The following PAX5 variants were observed in gnomAD, a reference collection of about 807,000 sequenced individuals.
PAX5 encodes paired box protein Pax-5.
Under a neutral mutation model 43.7 loss-of-function variants are expected in PAX5, and 9 were observed. That is an observed-to-expected ratio of 0.21 (90% CI 0.12 to 0.36). PAX5 has a LOEUF of 0.36. Ranked by LOEUF, PAX5 falls within the 10% of genes least tolerant of loss-of-function variation. The probability of loss-of-function intolerance (pLI) is 1.00; values close to 1 mark genes in which losing one functional copy is unlikely to be tolerated. For synonymous variants in PAX5, 228 were observed against 214.3 expected, an observed-to-expected ratio of 1.06 and a Z score of -0.56; for missense variants, 383 against 532.7, an observed-to-expected ratio of 0.72 and a Z score of 2.77.
At chr9:36,891,587 G>A (rs1027530254) in intron 7 of PAX5, among the ~76,000 whole-genome samples, 5 of 152,208 alleles carry the variant, frequency 3.3e-5, no homozygotes, top group African/African-American at 1.2e-4. Flanking sequence ...AGGGCAGTGG[G>A]AATGGTGATG....
chr9:36,904,794 G>A (rs994800313), intron 7 of PAX5, among the ~76,000 whole-genome samples: 3 of 152,136 alleles, frequency 2.0e-5, no homozygotes, highest in Admixed American at 6.5e-5. Context: ...GATTAGTAAC[G>A]ACCAATCATA....
chr9:36,882,952 A>G lies in PAX5; in HGVS notation c.911-847T>C, dbSNP rs1022759762. Among the ~76,000 whole-genome samples, 12 of 152,356 alleles carry G rather than the reference A, an allele frequency of 7.9e-5. No homozygotes were observed. In the South Asian group the frequency reaches 2.3e-3, roughly 29 times the overall value. ...AATTGCACAGTTTTGATGGGTGTGC[A>G]TGTTGGGGTAGAGGCCAGGACCACA... On this transcript the variant is annotated intron_variant, in intron 7 of 9. Coordinates refer to ENST00000358127, the MANE Select transcript of PAX5 (RefSeq NM_016734.3). This position sits in a 1 kb window ranked among gnomAD's most constrained non-coding sequence, Gnocchi z 4.4.
At chr9:36,980,098 A>C (rs1446829616) in intron 5 of PAX5, among the ~76,000 whole-genome samples, 1 of 152,218 alleles carries the variant, frequency 6.6e-6, no homozygotes, top group Non-Finnish European at 1.5e-5. Context: ...ATGCACTGCT[A>C]TGGTTCCTTC....
chr9:36,925,177 T>G (rs1485312664), intron 6 of PAX5, among the ~76,000 whole-genome samples: 1 of 152,190 alleles, frequency 6.6e-6, no homozygotes, highest in East Asian at 1.9e-4. Flanking sequence ...AGCTAAAGTT[T>G]TGACTGGGGG....
Position 36,942,848 on chromosome 9 carries a change from C to G in PAX5, c.781-19364G>C, listed in dbSNP as rs1478155988. Among the ~76,000 whole-genome samples the G allele has an allele frequency of 2.6e-5, 4 of 152,320 alleles. No individual in the cohort carries two copies. In the East Asian group the frequency reaches 7.7e-4, roughly 29 times the overall value. On this transcript the variant is annotated intron_variant, in intron 6 of 9. Transcript: ENST00000358127. ...GGCTTTTGCCTGCAAGAGAGTGAGC[C>G]CAGGAGGAGCAGTGCCATGAAAGGG...
chr9:37,008,062 T>C (rs1279541393), intron 3 of PAX5: 1 of 152,108 alleles, frequency 6.6e-6, no homozygotes, highest in African/African-American at 2.4e-5. Flanking sequence ...TTTTTTGCTT[T>C]TTTGTTTTTC....
Position 36,882,163 on chromosome 9 carries a change from T to C in PAX5, c.911-58A>G. 7.3e-7 allele frequency: 1 copy of C among 1,376,700 alleles called. No individual in the cohort carries two copies. Among genetic ancestry groups the C allele is most frequent in the South Asian group, 1.4e-5 (1 of 73,552 alleles). The allele number at this position is 1,376,700 out of a possible 1,614,324, so 85.3% of individuals were successfully genotyped here. On this transcript the variant is annotated intron_variant, in intron 7 of 9. Coordinates refer to ENST00000358127, the MANE Select transcript of PAX5 (RefSeq NM_016734.3). The surrounding 1 kb of genome is among the most constrained non-coding windows in gnomAD (Gnocchi z 4.4). The stretch of plus-strand genomic sequence containing the variant: ...GCATCTTCGCGGCCAGCCGCTCATG[T>C]CCACAGCTCCCTGGACGCTTCTGCA...
chr9:36,881,479 G>T (rs978315320), intron 8 of PAX5, among the ~76,000 whole-genome samples: 1 of 152,012 alleles, frequency 6.6e-6, no homozygotes, highest in African/African-American at 2.4e-5. Context: ...CACCGGCCTG[G>T]GGGGATCAGG....
chr9:36,961,165 C>A (rs1399912161), intron 6 of PAX5, among the ~76,000 whole-genome samples: 1 of 152,230 alleles, frequency 6.6e-6, no homozygotes, highest in Non-Finnish European at 1.5e-5. Context: ...TGCTCAGAAG[C>A]ACAAACCAGC....
At chr9:36,961,686 A>G (rs12552602) in intron 6 of PAX5, among the ~76,000 whole-genome samples, 25,357 of 152,146 alleles carry the variant, frequency 0.17, 2,690 homozygotes, top group African/African-American at 0.3. Flanking sequence ...ACGGCAGGCT[A>G]TGCTCCGTAG....
chr9:37,019,533 G>T (rs1166483863), intron 2 of PAX5, among the ~76,000 whole-genome samples: 1 of 152,204 alleles, frequency 6.6e-6, no homozygotes, highest in Admixed American at 6.5e-5. Context: ...AGAAGCTGTT[G>T]CTCCTTCCAT....
rs776992344 is a variant in PAX5 at position 37,002,766 on chromosome 9, G to C, written c.486C>G (p.Gly162=). ...TCACCGAGGACACCTGCGTCACGGA[G>C]CCAGTGGACACTGCGCGGAGAAAGA... The part of the protein sequence containing the change: ...PASSHSIVST[G]SVTQVSSVST... Residue 162 remains glycine (G), a synonymous_variant, in exon 5 of 10, where the codon GGC becomes GGG. Transcript: ENST00000358127. 5 of 1,609,356 alleles carry C rather than the reference G, an allele frequency of 3.1e-6. No individual in the cohort carries two copies. The highest frequency in any genetic ancestry group is 4.2e-6 in the Non-Finnish European group (5 of 1,178,486).
intron 6 of PAX5, among the ~76,000 whole-genome samples, chr9:36,959,455 C>A (rs1055750343): frequency 1.3e-5 from 2 of 152,218 alleles, no homozygotes; most frequent in African/African-American, 2.4e-5. Context: ...GACCAAATGG[C>A]CCAAATTTCT....
At chr9:36,869,202 G>A (rs974746280) in intron 8 of PAX5, among the ~76,000 whole-genome samples, 3 of 152,160 alleles carry the variant, frequency 2.0e-5, no homozygotes, top group Non-Finnish European at 4.4e-5. Flanking sequence ...ATCCCAGCAA[G>A]CCGAAGGGAG....
intron 8 of PAX5, among the ~76,000 whole-genome samples, chr9:36,854,834 C>T (rs568699813): frequency 4.6e-5 from 7 of 152,310 alleles, no homozygotes; most frequent in East Asian, 1.9e-4. Context: ...AGAGAAAAAC[C>T]GAGAGAGAGG....
At chr9:36,998,111 C>T (rs890921345) in intron 5 of PAX5, among the ~76,000 whole-genome samples, 2 of 152,204 alleles carry the variant, frequency 1.3e-5, no homozygotes, top group Non-Finnish European at 2.9e-5. Context: ...TTCTGAAAGC[C>T]ATATGTTGCA....
chr9:36,890,424 C>T (rs1251897839), intron 7 of PAX5, among the ~76,000 whole-genome samples: 1 of 152,136 alleles, frequency 6.6e-6, no homozygotes. Context: ...AAAGGCAGAG[C>T]TCTTTGCGAA....
chr9:36,877,550 C>A (rs1355448134), intron 8 of PAX5, among the ~76,000 whole-genome samples: 1 of 152,186 alleles, frequency 6.6e-6, no homozygotes, highest in Admixed American at 6.5e-5. Context: ...GCAAGAGACA[C>A]AGGTGTCCCA....
intron 6 of PAX5, among the ~76,000 whole-genome samples, chr9:36,946,110 G>A (rs1832488289): frequency 6.6e-6 from 1 of 151,826 alleles, no homozygotes; most frequent in South Asian, 2.1e-4. Flanking sequence ...GCTCCATCAG[G>A]AAGCGACTCC....
Sources: gnomAD v4.1 joint callset for allele counts (sites outside exome capture counted in the v4.1 genomes callset) on GRCh38, gnomAD v4.1.1 for gene constraint, Gnocchi (gnomAD v3.1) non-coding constraint, MANE v1.5 for transcripts, NCBI Gene and HGNC (gene_info 2026-07-23, HGNC 2026-07-21) for gene names.